Variants in SDK1 observed in about 807,000 individuals in gnomAD.
The protein encoded by SDK1 is protein sidekick-1.
Under a neutral mutation model 245.5 loss-of-function variants are expected in SDK1, and 157 were observed. The observed-to-expected ratio is 0.64, with a 90% CI of 0.56 to 0.73. The LOEUF is 0.73. Ranked by LOEUF, SDK1 falls within the 30% of genes least tolerant of loss-of-function variation. SDK1 has a pLI of 0.00. For missense variants in SDK1, 3,583 were observed against 3,002.3 expected, an observed-to-expected ratio of 1.19 and a Z score of -4.52; for synonymous variants, 1,647 against 1,278.5, an observed-to-expected ratio of 1.29 and a Z score of -6.15.
intron 1 of SDK1, among the ~76,000 whole-genome samples, chr7:3,471,898 G>T (rs1251306005): frequency 6.6e-6 from 1 of 152,134 alleles, no homozygotes; most frequent in Admixed American, 6.5e-5. Context: ...TTTTGCATTT[G>T]ATTTTGAGGA....
chr7:3,826,188 G>C (rs1034899088), intron 5 of SDK1, among the ~76,000 whole-genome samples: 1 of 152,166 alleles, frequency 6.6e-6, no homozygotes, highest in Admixed American at 6.5e-5. Context: ...ACACCATCAG[G>C]AAACAAGCCT....
intron 4 of SDK1, among the ~76,000 whole-genome samples, chr7:3,657,153 C>G (rs780650588): frequency 2.0e-5 from 3 of 152,122 alleles, no homozygotes; most frequent in Non-Finnish European, 2.9e-5. Context: ...GCTTGGAGGT[C>G]AAGAAGAGTC....
At chr7:4,219,990 G>A in intron 38 of SDK1, 119 bp from the exon 39 acceptor site, 1 of 1,248,516 alleles carries the variant, frequency 8.0e-7, no homozygotes, top group South Asian at 1.5e-5. Context: ...CTAATAGTAA[G>A]AAATACTTCC....
chr7:4,253,407 G>C (rs1019932689), intron 44 of SDK1, among the ~76,000 whole-genome samples: 2 of 152,036 alleles, frequency 1.3e-5, no homozygotes, highest in Non-Finnish European at 2.9e-5. Flanking sequence ...ATTTAGGAGT[G>C]TGTTTTACAT....
intron 14 of SDK1, among the ~76,000 whole-genome samples, chr7:3,996,860 A>G (rs927888222): frequency 1.3e-5 from 2 of 152,148 alleles, no homozygotes; most frequent in Non-Finnish European, 2.9e-5. Flanking sequence ...AATAATTGGC[A>G]TAGTAATGTC....
chr7:4,022,422 C>G (rs1340506939), intron 17 of SDK1, among the ~76,000 whole-genome samples: 1 of 152,096 alleles, frequency 6.6e-6, no homozygotes, highest in Non-Finnish European at 1.5e-5. Context: ...AGAAAGTATC[C>G]GAATGCCCGG....
At chr7:3,513,009 T>C (rs1447769388) in intron 1 of SDK1, among the ~76,000 whole-genome samples, 1 of 152,204 alleles carries the variant, frequency 6.6e-6, no homozygotes, top group Middle Eastern at 3.2e-3. Flanking sequence ...GTGTTTTGTG[T>C]TGTTTTCTTA....
chr7:3,777,704 C>T (rs1780607819), intron 4 of SDK1, among the ~76,000 whole-genome samples: 1 of 152,238 alleles, frequency 6.6e-6, no homozygotes, highest in Non-Finnish European at 1.5e-5. Context: ...TCCCATGCCA[C>T]ACCACACTGC....
chr7:4,000,243 G>C (rs1784973837), intron 14 of SDK1, among the ~76,000 whole-genome samples: 1 of 152,366 alleles, frequency 6.6e-6, no homozygotes, highest in South Asian at 2.1e-4. Flanking sequence ...CTGAGGCTGA[G>C]ATGATGTTCT....
At chr7:4,234,062 G>A (rs1387806556) in intron 41 of SDK1, among the ~76,000 whole-genome samples, 3 of 152,136 alleles carry the variant, frequency 2.0e-5, no homozygotes, top group African/African-American at 4.8e-5. Flanking sequence ...GATTTTGGAG[G>A]GGCAAGAACC....
chr7:4,089,415 G>C (rs999838086), intron 22 of SDK1, among the ~76,000 whole-genome samples: 42 of 152,262 alleles, frequency 2.8e-4, no homozygotes, highest in South Asian at 8.3e-4. Flanking sequence ...TCCCGCCTCA[G>C]GGGGCCTCTG....
chr7:3,875,270 G>A (rs1399363542), intron 5 of SDK1, among the ~76,000 whole-genome samples: 2 of 152,098 alleles, frequency 1.3e-5, no homozygotes, highest in East Asian at 1.9e-4. Context: ...TCTGCACTTC[G>A]TCCAGCATTT....
intron 19 of SDK1, among the ~76,000 whole-genome samples, chr7:4,065,691 G>GTTTTTTCTTTTTTTTT (rs1562755417): frequency 3.4e-5 from 1 of 29,472 alleles, no homozygotes; most frequent in African/African-American, 1.7e-4. Flanking sequence ...ATGAGTGGTT[G>GTTTTTTCTTTTTTTTT]TTGTTTTTTT....
intron 44 of SDK1, among the ~76,000 whole-genome samples, chr7:4,255,481 C>T (rs1787564868): frequency 6.6e-6 from 1 of 152,174 alleles, no homozygotes; most frequent in African/African-American, 2.4e-5. Context: ...CTCCTCCCAG[C>T]GTGGGACTTC....
At chr7:4,111,450 AG>A (rs1442239192) in intron 23 of SDK1, among the ~76,000 whole-genome samples, 1 of 152,218 alleles carries the variant, frequency 6.6e-6, no homozygotes, top group East Asian at 1.9e-4. Context: ...AATAGGAATT[AG>A]TAATTCAGGG....
At chr7:3,895,662 G>A (rs1038237788) in intron 5 of SDK1, among the ~76,000 whole-genome samples, 7 of 152,168 alleles carry the variant, frequency 4.6e-5, no homozygotes, top group Admixed American at 2.6e-4. Flanking sequence ...TTCAAGTTGC[G>A]TAAAGTGGAT....
rs1030560680 is a variant in SDK1 at position 3,639,059 on chromosome 7, C to A, written c.514C>A (p.Arg172=). 3.1e-6 allele frequency: 5 copies of A among 1,603,930 alleles called. No homozygotes were observed. Among genetic ancestry groups the A allele is most frequent in the African/African-American group, 2.7e-5 (2 of 74,806 alleles). The change falls in exon 3 of 45, where the codon CGA becomes AGA. Residue 172 remains arginine (R), a synonymous_variant. Coordinates refer to ENST00000404826, the MANE Select transcript of SDK1 (RefSeq NM_152744.4). Reference sequence around the variant, plus strand: ...TGCTGGGTTTTACCGCTGCGTGGTGCGAAACAGAATGGGAGCACTCCTGCA... The same window carrying A: ...TGCTGGGTTTTACCGCTGCGTGGTGAGAAACAGAATGGGAGCACTCCTGCA... ...LDAGFYRCVV[R]NRMGALLQRK... is the part of the protein sequence containing the mutation.
At chr7:3,515,403 T>G (rs1419112749) in intron 1 of SDK1, among the ~76,000 whole-genome samples, 1 of 152,210 alleles carries the variant, frequency 6.6e-6, no homozygotes, top group Non-Finnish European at 1.5e-5. Flanking sequence ...CAGGTCCATG[T>G]GATAGGCACT....
chr7:3,355,184 A>C (rs1780758223), intron 1 of SDK1, among the ~76,000 whole-genome samples: 1 of 152,212 alleles, frequency 6.6e-6, no homozygotes, highest in African/African-American at 2.4e-5. Flanking sequence ...TATATCTAAA[A>C]ATTGTGAATA....
Sources: allele counts gnomAD v4.1 joint callset (sites outside exome capture counted in the v4.1 genomes callset), GRCh38; gene constraint gnomAD v4.1.1; transcripts MANE v1.5; gene names NCBI Gene and HGNC (gene_info 2026-07-23, HGNC 2026-07-21).